FAM118A: variants seen among roughly 807,000 people sequenced by gnomAD.
FAM118A encodes the protein SIR2 antiphage like 2.
Under a neutral mutation model 38.2 loss-of-function variants are expected in FAM118A, and 25 were observed. The ratio of observed to expected loss-of-function variants is 0.65; its 90% CI spans 0.48 to 0.91. The LOEUF (loss-of-function observed/expected upper bound fraction) is 0.91, where lower values mean the gene tolerates loss of function less well. FAM118A is among the 40% of genes least tolerant of loss of function. FAM118A has a pLI of 0.00. For missense variants in FAM118A, 425 were observed against 463.3 expected (o/e 0.92, Z 0.76); for synonymous variants, 178 against 184.1 (o/e 0.97, Z 0.27).
At chr22:45,321,139 C>T (rs12168924) in intron 1 of FAM118A, among the ~76,000 whole-genome samples, 11 of 152,260 alleles carry the variant, frequency 7.2e-5, no homozygotes, top group East Asian at 3.9e-4. Context: ...ATTTTTGAGA[C>T]GGAGTCTTGC....
At position 45,324,373 on chromosome 22, in the gene FAM118A, G is replaced by T. The variant is rs2146642515; in HGVS notation, c.300+946G>T. On this transcript the variant is annotated intron_variant, in intron 3 of 8. Coordinates refer to ENST00000441876, the MANE Select transcript of FAM118A (RefSeq NM_017911.4). ...CCCTGCGGGCAGCTGTAAATGATGT[G>T]CGTGCGCGGGGAGTGCGTGGAGGAG... Among the ~76,000 whole-genome samples the T allele has an allele frequency of 2.0e-5, 3 of 152,352 alleles. 1 individual carries two copies. The highest frequency in any genetic ancestry group is 2.0e-4 in the Admixed American group (3 of 15,312).
At chr22:45,322,090 C>A in intron 1 of FAM118A, 1 of 992,748 alleles carries the variant, frequency 1.0e-6, no homozygotes, top group Non-Finnish European at 1.4e-6. Context: ...GCCCACAGAG[C>A]CCATCCTTCA....
intron 3 of FAM118A, among the ~76,000 whole-genome samples, chr22:45,326,945 G>T (rs1601935726): frequency 1.3e-5 from 2 of 151,876 alleles, no homozygotes; most frequent in East Asian, 3.9e-4. Context: ...GGGAGATCAA[G>T]GCTGCAGAGG....
rs560925556 is a variant in FAM118A, at chr22:45,339,641, G to A, written c.1055-745G>A. ...GTTCTTTTCCACTACTTTCTTTCAC[G>A]TTCATTGTTTTGTTTTCTGCATATC... On this transcript the variant is annotated intron_variant, in intron 8 of 8. Transcript: ENST00000441876. Among the ~76,000 whole-genome samples, 5 of 152,148 alleles carry A rather than the reference G, an allele frequency of 3.3e-5. 1 individual carries two copies. In the South Asian group the frequency reaches 6.2e-4, roughly 19 times the overall value.
intron 1 of FAM118A, among the ~76,000 whole-genome samples, chr22:45,312,397 T>C (rs1458282817): frequency 6.6e-6 from 1 of 151,978 alleles, no homozygotes; most frequent in Non-Finnish European, 1.5e-5. Context: ...AATTTGCCAG[T>C]CGCGGTGGCT....
Position 45,315,677 on chromosome 22 carries a change from T to C in FAM118A, c.-10+5494T>C, listed in dbSNP as rs111663174. Among the ~76,000 whole-genome samples the C allele has an allele frequency of 4.7e-3, 644 of 135,866 alleles. 4 individuals carry two copies. Among genetic ancestry groups the C allele is most frequent in the South Asian group, 5.9e-3 (24 of 4,090 alleles). 89.1% of individuals were successfully genotyped at this position (135,866 alleles called of 152,430 possible). The stretch of plus-strand genomic sequence containing the variant: ...GAGAGGTCTACCTGGCTGGGGGAAA[T>C]AGGTTTAGAGAGGTCTACCTGGCTG... On this transcript the variant is annotated intron_variant, in intron 1 of 8. Transcript: ENST00000441876.
chr22:45,326,414 G>T (rs2085269773), intron 3 of FAM118A, among the ~76,000 whole-genome samples: 1 of 152,216 alleles, frequency 6.6e-6, no homozygotes, highest in African/African-American at 2.4e-5. Flanking sequence ...CGGGCCAGGT[G>T]TGCTGGCTCA....
intron 1 of FAM118A, among the ~76,000 whole-genome samples, chr22:45,312,155 G>T (rs939545503): frequency 3.3e-5 from 5 of 152,114 alleles, no homozygotes; most frequent in African/African-American, 1.2e-4. Context: ...GTGAGGAGAG[G>T]TTTCTCCCTG....
chr22:45,329,858 T>C (rs543079113), intron 4 of FAM118A: 3 of 152,390 alleles, frequency 2.0e-5, no homozygotes, highest in African/African-American at 7.2e-5. Flanking sequence ...TTGGTGTTTG[T>C]GTCCATTCCA....
intron 1 of FAM118A, among the ~76,000 whole-genome samples, chr22:45,316,751 T>C (rs1427119769): frequency 6.6e-6 from 1 of 152,226 alleles, no homozygotes; most frequent in African/African-American, 2.4e-5. Flanking sequence ...GTGGTAATAT[T>C]GGTACTAATA....
chr22:45,319,270 CGT>C (rs1309142795), intron 1 of FAM118A, among the ~76,000 whole-genome samples: 1 of 151,910 alleles, frequency 6.6e-6, no homozygotes, highest in African/African-American at 2.4e-5. Flanking sequence ...TCTAAAATGT[CGT>C]GTACAGACGG....
chr22:45,317,714 C>T (rs2084667418), intron 1 of FAM118A, among the ~76,000 whole-genome samples: 1 of 152,232 alleles, frequency 6.6e-6, no homozygotes, highest in African/African-American at 2.4e-5. Flanking sequence ...GTTCTTATGC[C>T]AGGCTCGCTG....
At chr22:45,333,818 C>T (rs1290620792) in intron 6 of FAM118A, among the ~76,000 whole-genome samples, 4 of 151,980 alleles carry the variant, frequency 2.6e-5, no homozygotes, top group African/African-American at 4.8e-5. Context: ...CCAGTCTGGA[C>T]GTCGGAGGAA....
At chr22:45,328,681 G>A in intron 4 of FAM118A, 1 of 568,720 alleles carries the variant, frequency 1.8e-6, no homozygotes, top group Non-Finnish European at 3.2e-6. Context: ...AACTTGGGAG[G>A]CTGAGGCAGG....
intron 6 of FAM118A, among the ~76,000 whole-genome samples, chr22:45,334,017 T>C (rs1047225136): frequency 2.0e-5 from 3 of 152,224 alleles, no homozygotes; most frequent in Admixed American, 6.5e-5. Context: ...GTCCTATTAC[T>C]GCAGTTGAAA....
chr22:45,332,699 A>G lies in FAM118A; in HGVS notation c.926A>G (p.Gln309Arg), dbSNP rs2085806947. ...GACCTTGCCACTCAGATCTGCAAAC[A>G]GCAAAGCCCAGGTATGGGATCTGGC... ...VQDLATQICK[Q>R]QSPDADRVDS... Residue 309 changes from glutamine (Q) to arginine (R), a missense_variant, in exon 6 of 9, where the codon CAG (glutamine) becomes CGG (arginine). Gln to Arg is a conservative substitution (Grantham distance 43, BLOSUM62 1). Transcript: ENST00000441876. 6.3e-7 allele frequency: 1 copy of G among 1,597,642 alleles called. No homozygotes were observed. Among genetic ancestry groups the G allele is most frequent in the Non-Finnish European group, 8.5e-7 (1 of 1,170,326 alleles).
At chr22:45,324,432 C>T (rs984655299) in intron 3 of FAM118A, among the ~76,000 whole-genome samples, 4 of 152,192 alleles carry the variant, frequency 2.6e-5, no homozygotes, top group African/African-American at 9.6e-5. Flanking sequence ...TGGGGGGCTT[C>T]AAGGGCCACC....
chr22:45,321,631 G>A (rs150089495), intron 1 of FAM118A: 3,474 of 152,726 alleles, frequency 0.023, 81 homozygotes, highest in Non-Finnish European at 0.032. Flanking sequence ...TGCCCAGGCC[G>A]GTCTTGAACT....
chr22:45,314,204 C>A (rs972375091), intron 1 of FAM118A, among the ~76,000 whole-genome samples: 2 of 152,192 alleles, frequency 1.3e-5, no homozygotes, highest in Non-Finnish European at 2.9e-5. Context: ...CCCTCCTTAT[C>A]TGTTCCCACC....
Sources: allele counts gnomAD v4.1 joint callset (sites outside exome capture counted in the v4.1 genomes callset), GRCh38; gene constraint gnomAD v4.1.1; transcripts MANE v1.5; gene names NCBI Gene and HGNC (gene_info 2026-07-23, HGNC 2026-07-21).